The following BBS9 variants were observed in gnomAD, a reference collection of about 807,000 sequenced individuals.
BBS9 encodes protein PTHB1.
In BBS9, 89 loss-of-function variants were observed where a neutral mutation model predicts 117.7. The observed-to-expected ratio is 0.76, with a 90% CI of 0.64 to 0.90. The LOEUF (loss-of-function observed/expected upper bound fraction) is 0.90. Ranked by LOEUF, BBS9 falls within the 40% of genes least tolerant of loss-of-function variation. The pLI is 0.00. For synonymous variants in BBS9, 379 were observed against 370.9 expected (o/e 1.02, Z -0.25); for missense variants, 982 against 1,042.2 (o/e 0.94, Z 0.80).
At chr7:33,271,950 C>T (rs904045244) in intron 7 of BBS9, among the ~76,000 whole-genome samples, 2 of 152,094 alleles carry the variant, frequency 1.3e-5, no homozygotes, top group African/African-American at 2.4e-5. Flanking sequence ...ATAAACTACA[C>T]AATCGGATAT....
chr7:33,489,094 G>A (rs979498044), intron 19 of BBS9, among the ~76,000 whole-genome samples: 1 of 147,544 alleles, frequency 6.8e-6, no homozygotes, highest in Non-Finnish European at 1.5e-5. Flanking sequence ...CTGGATTCAA[G>A]CAATTCTCCT....
intron 19 of BBS9, among the ~76,000 whole-genome samples, chr7:33,405,741 CTTTA>C (rs1829826565): frequency 6.8e-6 from 1 of 145,996 alleles, no homozygotes; most frequent in Non-Finnish European, 1.5e-5. Context: ...CTCTTTTCTT[CTTTA>C]TTAGTCTTGC....
intron 21 of BBS9, among the ~76,000 whole-genome samples, chr7:33,629,391 T>G (rs1865785828): frequency 6.6e-6 from 1 of 152,182 alleles, no homozygotes; most frequent in South Asian, 2.1e-4. Flanking sequence ...TGTTTGTTTG[T>G]TTTTTTAATT....
At position 33,311,850 on chromosome 7, in the gene BBS9, A is replaced by G. The variant is rs1023592106; in HGVS notation, c.1017-24591A>G. On this transcript the variant is annotated intron_variant, in intron 9 of 22. Transcript: ENST00000242067. ...AAAAGTGTCTATATATTAACCTTCC[A>G]GTGGCATAAAAGCAATGGCTATTTT... Among the ~76,000 whole-genome samples, 94 of 152,012 alleles carry G rather than the reference A, an allele frequency of 6.2e-4. 1 individual carries two copies. The highest frequency in any genetic ancestry group is 2.1e-3 in the African/African-American group (86 of 41,492).
chr7:33,584,887 C>T (rs1376799788), intron 21 of BBS9, among the ~76,000 whole-genome samples: 3 of 152,180 alleles, frequency 2.0e-5, no homozygotes, highest in Middle Eastern at 3.4e-3. Flanking sequence ...ATGCCAAGTT[C>T]CCTTCCCTAA....
At chr7:33,330,416 GT>G (rs149907556) in intron 9 of BBS9, among the ~76,000 whole-genome samples, 136 of 152,220 alleles carry the variant, frequency 8.9e-4, no homozygotes, top group African/African-American at 3.0e-3. Flanking sequence ...TGTTTTCTGA[GT>G]TTGTCCTTTG....
At chr7:33,458,002 G>T (rs1438286319) in intron 19 of BBS9, among the ~76,000 whole-genome samples, 1 of 152,134 alleles carries the variant, frequency 6.6e-6, no homozygotes, top group Non-Finnish European at 1.5e-5. Flanking sequence ...TAGTCTTTTA[G>T]CTCTGAGACA....
chr7:33,166,647 GGGCGTGGGACCCACCTAGCCA>G (rs776970425), intron 4 of BBS9, among the ~76,000 whole-genome samples: 5 of 152,234 alleles, frequency 3.3e-5, no homozygotes, highest in Admixed American at 1.3e-4. Context: ...AAGGCTCCAT[GGGCGTGGGACCCACCTAGCCA>G]GGCGTGGGAT....
At chr7:33,166,238 A>T (rs1404220739) in intron 4 of BBS9, among the ~76,000 whole-genome samples, 5 of 152,208 alleles carry the variant, frequency 3.3e-5, no homozygotes, top group Middle Eastern at 3.2e-3. Context: ...GCTTCTTCCC[A>T]GAAGGGCACC....
Position 33,534,195 on chromosome 7 carries a change from C to G in BBS9, c.2521+19C>G. The G allele has an allele frequency of 8.1e-6, 13 of 1,605,174 alleles. No individual in the cohort carries two copies. Among genetic ancestry groups the G allele is most frequent in the Non-Finnish European group, 1.0e-5 (12 of 1,172,500 alleles). ...ATGCCAGGTAAGAGCTCTGTCCATG[C>G]TCCCTAATCACAATTGTACTTCTCC... On this transcript the variant is annotated intron_variant, in intron 21 of 22. Coordinates refer to ENST00000242067, the MANE Select transcript of BBS9 (RefSeq NM_198428.3).
At chr7:33,365,167 C>G (rs914569744) in intron 16 of BBS9, among the ~76,000 whole-genome samples, 1 of 151,504 alleles carries the variant, frequency 6.6e-6, no homozygotes, top group African/African-American at 2.4e-5. Flanking sequence ...CTGTAGATGT[C>G]CATTTCTTTG....
At chr7:33,551,555 A>G (rs1854418161) in intron 21 of BBS9, among the ~76,000 whole-genome samples, 1 of 152,166 alleles carries the variant, frequency 6.6e-6, no homozygotes, top group African/African-American at 2.4e-5. Flanking sequence ...AACACAACAT[A>G]TACCAGCCAA....
chr7:33,484,481 GT>G (rs970112565), intron 19 of BBS9, among the ~76,000 whole-genome samples: 58 of 151,924 alleles, frequency 3.8e-4, no homozygotes, highest in African/African-American at 1.4e-3. Flanking sequence ...TTGCTTTTTT[GT>G]TTTTTGTTGG....
At chr7:33,290,900 GA>G (rs763737213) in intron 9 of BBS9, among the ~76,000 whole-genome samples, 9 of 152,112 alleles carry the variant, frequency 5.9e-5, no homozygotes, top group Non-Finnish European at 1.0e-4. Context: ...ATCTTTGCCA[GA>G]AATGGAAATG....
intron 21 of BBS9, among the ~76,000 whole-genome samples, chr7:33,555,896 TTAA>T (rs1363656855): frequency 1.3e-5 from 2 of 152,242 alleles, no homozygotes; most frequent in Non-Finnish European, 2.9e-5. Context: ...ATGCTTCAAC[TTAA>T]TAATTACTGC....
chr7:33,594,084 C>G (rs1862343125), intron 21 of BBS9, among the ~76,000 whole-genome samples: 1 of 152,136 alleles, frequency 6.6e-6, no homozygotes, highest in Admixed American at 6.6e-5. Context: ...TCCCGACTCT[C>G]TGACTGGAGC....
intron 12 of BBS9, 134 bp downstream of exon 12, chr7:33,344,768 C>T: frequency 1.1e-6 from 1 of 907,250 alleles, no homozygotes; most frequent in Admixed American, 1.9e-5. Flanking sequence ...TTTTCCCCAG[C>T]CTTGAGTAGT....
At position 33,299,396 on chromosome 7, in the gene BBS9, G is replaced by C. The variant is rs192601468; in HGVS notation, c.1016+25440G>C. 2.0e-5 allele frequency among the ~76,000 whole-genome samples: 3 copies of C among 151,892 alleles called. No individual in the cohort carries two copies. The East Asian group carries it at 5.8e-4, about 29-fold the overall frequency. Reference sequence around the variant, plus strand: ...ATGATGTGCTGAAATGATTTGCTTTGACTTGACCCAATTATAATTTTCTTT... The same window carrying C: ...ATGATGTGCTGAAATGATTTGCTTTCACTTGACCCAATTATAATTTTCTTT... On this transcript the variant is annotated intron_variant, in intron 9 of 22. Transcript: ENST00000242067.
intron 5 of BBS9, among the ~76,000 whole-genome samples, chr7:33,252,460 A>G (rs1276876317): frequency 6.6e-6 from 1 of 152,118 alleles, no homozygotes; most frequent in Non-Finnish European, 1.5e-5. Context: ...TAGGCTTGTT[A>G]AAACCTAGCA....
Sources: gnomAD v4.1 joint callset for allele counts (sites outside exome capture counted in the v4.1 genomes callset) on GRCh38, gnomAD v4.1.1 for gene constraint, MANE v1.5 for transcripts, NCBI Gene and HGNC (gene_info 2026-07-23, HGNC 2026-07-21) for gene names.